ULK4: variants seen among roughly 807,000 people sequenced by gnomAD.
The protein encoded by ULK4 is inactive serine/threonine-protein kinase ULK4.
A neutral mutation model predicts 160.6 loss-of-function variants in ULK4; 133 were observed. That is an observed-to-expected ratio of 0.83 (90% CI 0.72 to 0.96). The LOEUF (loss-of-function observed/expected upper bound fraction) is 0.96, where lower values mean the gene tolerates loss of function less well. ULK4 is among the 40% of genes least tolerant of loss of function. ULK4 has a pLI of 0.00. For synonymous variants in ULK4, 534 were observed against 539.8 expected (o/e 0.99, Z 0.15); for missense variants, 1,580 against 1,499.5 (o/e 1.05, Z -0.89).
chr3:41,443,167 G>C (rs1364037500), intron 34 of ULK4, among the ~76,000 whole-genome samples: 2 of 152,116 alleles, frequency 1.3e-5, no homozygotes, highest in African/African-American at 4.8e-5. Context: ...ATTCTCACCA[G>C]GTTTCTCTGG....
intron 31 of ULK4, among the ~76,000 whole-genome samples, chr3:41,602,252 AAAGGAAAGGAAAGG>A (rs2032119268): frequency 2.8e-4 from 3 of 10,882 alleles, no homozygotes; most frequent in Non-Finnish European, 5.0e-4. Context: ...AGGAAGAGAA[AAAGGAAAGGAAAGG>A]AAAGGAAAGG....
intron 20 of ULK4, among the ~76,000 whole-genome samples, chr3:41,792,343 T>G (rs187225061): frequency 6.6e-6 from 1 of 152,138 alleles, no homozygotes; most frequent in Non-Finnish European, 1.5e-5. Context: ...GTTTTAAAAA[T>G]GAGTCTAAAA....
At position 41,837,806 on chromosome 3, in the gene ULK4, C is replaced by A. The variant is rs187135216; in HGVS notation, c.1657-1835G>T. ...GAACTCCTGACTTCAAGTGATCCAC[C>A]CACCTCAGCCTCCCAAAGTGCTGGG... On this transcript the variant is annotated intron_variant, in intron 17 of 36. Coordinates refer to ENST00000301831, the MANE Select transcript of ULK4 (RefSeq NM_017886.4). Among the ~76,000 whole-genome samples the A allele has an allele frequency of 2.0e-5, 3 of 152,138 alleles. 1 individual carries two copies. The highest frequency in any genetic ancestry group is 2.9e-5 in the Non-Finnish European group (2 of 68,034).
intron 32 of ULK4, among the ~76,000 whole-genome samples, chr3:41,475,721 T>C (rs183034439): frequency 6.6e-6 from 1 of 152,266 alleles, no homozygotes; most frequent in East Asian, 1.9e-4. Flanking sequence ...CTGATAACTA[T>C]CATTAGTAAA....
At chr3:41,661,506 T>G (rs533670088) in intron 30 of ULK4, among the ~76,000 whole-genome samples, 9 of 115,168 alleles carry the variant, frequency 7.8e-5, no homozygotes, top group African/African-American at 2.8e-4. Context: ...GATAGATAGA[T>G]AGATGATAGA....
intron 35 of ULK4, among the ~76,000 whole-genome samples, chr3:41,264,294 C>T (rs912898483): frequency 6.6e-6 from 1 of 152,210 alleles, no homozygotes; most frequent in Non-Finnish European, 1.5e-5. Context: ...GGATGAGGCA[C>T]AACATCCAGG....
intron 18 of ULK4, among the ~76,000 whole-genome samples, chr3:41,833,606 T>A (rs1018511844): frequency 2.0e-5 from 3 of 152,150 alleles, no homozygotes; most frequent in Non-Finnish European, 4.4e-5. Flanking sequence ...AAGTATTTTA[T>A]TCTCTTTGTA....
At chr3:41,809,943 A>G (rs1322307521) in intron 19 of ULK4, among the ~76,000 whole-genome samples, 1 of 152,202 alleles carries the variant, frequency 6.6e-6, no homozygotes, top group East Asian at 1.9e-4. Flanking sequence ...ATTAACAGTA[A>G]AAGACAAACA....
chr3:41,426,835 C>G (rs1435282814), intron 34 of ULK4, among the ~76,000 whole-genome samples: 1 of 151,714 alleles, frequency 6.6e-6, no homozygotes, highest in Non-Finnish European at 1.5e-5. Context: ...AAATCAATAC[C>G]CTAACATCAC....
intron 33 of ULK4, among the ~76,000 whole-genome samples, chr3:41,459,703 C>T (rs1316449049): frequency 6.6e-6 from 1 of 152,150 alleles, no homozygotes; most frequent in Non-Finnish European, 1.5e-5. Flanking sequence ...TACTAGAAGT[C>T]ATATGGAGTA....
chr3:41,744,812 T>C (rs1192509287), intron 22 of ULK4, among the ~76,000 whole-genome samples: 1 of 151,762 alleles, frequency 6.6e-6, no homozygotes, highest in Non-Finnish European at 1.5e-5. Flanking sequence ...TACACTAAAC[T>C]ACAAGACAAA....
chr3:41,282,555 T>C (rs1239554801), intron 35 of ULK4, among the ~76,000 whole-genome samples: 1 of 152,210 alleles, frequency 6.6e-6, no homozygotes, highest in Non-Finnish European at 1.5e-5. Flanking sequence ...GGGGAAAGGA[T>C]TCCCTATTTA....
chr3:41,758,853 A>G (rs1430918642), intron 21 of ULK4, among the ~76,000 whole-genome samples: 1 of 151,918 alleles, frequency 6.6e-6, no homozygotes, highest in Non-Finnish European at 1.5e-5. Context: ...AGCCTGGGCG[A>G]CAGAGCAAGA....
chr3:41,835,765 AG>A (rs1228575038), intron 18 of ULK4, 98 bp downstream of exon 18: 1 of 805,146 alleles, frequency 1.2e-6, no homozygotes, highest in African/African-American at 1.8e-5. Flanking sequence ...GCGTGCTCTA[AG>A]GCGCAAAATC....
At chr3:41,865,441 T>C (rs2042594867) in intron 17 of ULK4, among the ~76,000 whole-genome samples, 1 of 152,142 alleles carries the variant, frequency 6.6e-6, no homozygotes, top group South Asian at 2.1e-4. Context: ...GAAATGTCTA[T>C]TTTCAACTTA....
At chr3:41,386,405 G>A (rs1277672883) in intron 35 of ULK4, among the ~76,000 whole-genome samples, 1 of 152,056 alleles carries the variant, frequency 6.6e-6, no homozygotes, top group African/African-American at 2.4e-5. Context: ...TTCTACTGAA[G>A]GTACTAATAA....
At chr3:41,806,836 T>C (rs914909240) in intron 19 of ULK4, among the ~76,000 whole-genome samples, 5 of 152,210 alleles carry the variant, frequency 3.3e-5, no homozygotes, top group Non-Finnish European at 5.9e-5. Flanking sequence ...TTAAGCCTCA[T>C]AGTATCTCAG....
At chr3:41,909,499 C>T (rs1698698012) in intron 11 of ULK4, among the ~76,000 whole-genome samples, 1 of 152,030 alleles carries the variant, frequency 6.6e-6, no homozygotes, top group Non-Finnish European at 1.5e-5. Context: ...ATCACCTGAG[C>T]TCAGGAGTTC....
chr3:41,922,937 C>T (rs1575956120), intron 5 of ULK4, among the ~76,000 whole-genome samples: 2 of 151,662 alleles, frequency 1.3e-5, no homozygotes, highest in South Asian at 2.1e-4. Context: ...TTTGGGAGGC[C>T]GGGGTGGGCA....
Sources: allele counts gnomAD v4.1 joint callset (sites outside exome capture counted in the v4.1 genomes callset), GRCh38; gene constraint gnomAD v4.1.1; transcripts MANE v1.5; gene names NCBI Gene and HGNC (gene_info 2026-07-23, HGNC 2026-07-21).